SPTSSA: variants seen among roughly 807,000 people sequenced by gnomAD.
SPTSSA encodes small subunit of serine palmitoyltransferase A.
SPTSSA carries 8 observed loss-of-function variants against 9.1 expected under a neutral mutation model. That is an observed-to-expected ratio of 0.88 (90% CI 0.51 to 1.58). The LOEUF (loss-of-function observed/expected upper bound fraction) is 1.58, where lower values mean the gene tolerates loss of function less well. SPTSSA is among the 40% of genes most tolerant of loss of function. SPTSSA has a pLI of 0.00. For missense variants in SPTSSA, 100 were observed against 93.8 expected (o/e 1.07, Z -0.27); for synonymous variants, 42 against 37.7 (o/e 1.11, Z -0.41).
At chr14:34,437,187 G>C (rs1883254267) in intron 1 of SPTSSA, among the ~76,000 whole-genome samples, 1 of 152,164 alleles carries the variant, frequency 6.6e-6, no homozygotes. Context: ...TGAGCCGGAA[G>C]GGCACCACTG....
chr14:34,461,732 T>A (rs1483072729), intron 1 of SPTSSA, among the ~76,000 whole-genome samples: 1 of 152,232 alleles, frequency 6.6e-6, no homozygotes, highest in Non-Finnish European at 1.5e-5. Flanking sequence ...CACTGTTACA[T>A]GATCCCCGCC....
At chr14:34,460,471 C>T (rs570870195) in intron 1 of SPTSSA, among the ~76,000 whole-genome samples, 1 of 152,256 alleles carries the variant, frequency 6.6e-6, no homozygotes, top group East Asian at 1.9e-4. Context: ...CCAAAAAAGG[C>T]ATCACCTAGT....
intron 1 of SPTSSA, among the ~76,000 whole-genome samples, chr14:34,457,969 C>A (rs1358686844): frequency 4.0e-5 from 4 of 100,984 alleles, no homozygotes; most frequent in African/African-American, 1.8e-4. Context: ...AAGACTGTCT[C>A]GGAAAAAAAA....
chr14:34,443,134 GGT>G (rs376742613), intron 1 of SPTSSA, among the ~76,000 whole-genome samples: 937 of 36,908 alleles, frequency 0.025, 38 homozygotes, highest in Non-Finnish European at 0.029. Context: ...TGCTTCTAGG[GGT>G]GTGTGTGTGT....
chr14:34,456,948 A>AATTATTATTATTATTATT lies in SPTSSA; in HGVS notation c.112+5130_112+5147dup, dbSNP rs201859323. 8.2e-3 allele frequency among the ~76,000 whole-genome samples: 1,200 copies of AATTATTATTATTATTATT among 146,172 alleles called. 24 individuals carry two copies. Among genetic ancestry groups the AATTATTATTATTATTATT allele is most frequent in the African/African-American group, 0.029 (1,146 of 39,864 alleles). Reference sequence around the variant, plus strand: ...ATTAAAATAGCACACTTCTGATTCAAATTATTATTATTATTATTATTATTA... The same window carrying AATTATTATTATTATTATT: ...ATTAAAATAGCACACTTCTGATTCAAATTATTATTATTATTATTATTATTATTATTATTATTATTATTA... On this transcript the variant is annotated intron_variant, in intron 1 of 1. Coordinates refer to ENST00000298130, the MANE Select transcript of SPTSSA (RefSeq NM_138288.4).
chr14:34,442,698 T>G (rs765615960), intron 1 of SPTSSA, among the ~76,000 whole-genome samples: 1 of 152,204 alleles, frequency 6.6e-6, no homozygotes, highest in Non-Finnish European at 1.5e-5. Flanking sequence ...GTGCTGCAGT[T>G]CTAAGCAGAG....
chr14:34,450,607 C>CA (rs200111317), intron 1 of SPTSSA, among the ~76,000 whole-genome samples: 34,854 of 152,036 alleles, frequency 0.23, 5,607 homozygotes, highest in African/African-American at 0.46. Context: ...CAATAGAGAA[C>CA]AAGAATAGAA....
chr14:34,459,484 G>GAAAAA (rs57805348), intron 1 of SPTSSA, among the ~76,000 whole-genome samples: 1 of 147,732 alleles, frequency 6.8e-6, no homozygotes, highest in Non-Finnish European at 1.5e-5. Context: ...AAAAGAAAAA[G>GAAAAA]AAGAAAATTA....
rs1245843742 is a variant in SPTSSA, at chr14:34,433,858, G to A, written c.*1343C>T. On this transcript the variant is annotated 3_prime_UTR_variant, in exon 2 of 2. Transcript: ENST00000298130. Reference sequence around the variant, plus strand: ...GGTGCCTGTAATCCCAGCTATTCAGGAGGCTGAGGCAGGAGAATCACTTGA... The same window carrying A: ...GGTGCCTGTAATCCCAGCTATTCAGAAGGCTGAGGCAGGAGAATCACTTGA... The A allele has an allele frequency of 6.6e-6, 1 of 151,576 alleles. No individual in the cohort carries two copies. The highest frequency in any genetic ancestry group is 6.6e-5 in the Admixed American group (1 of 15,204). The allele number at this position is 151,576 out of a possible 1,614,324, so 9.4% of individuals were successfully genotyped here.
At chr14:34,458,382 C>T (rs1878533818) in intron 1 of SPTSSA, among the ~76,000 whole-genome samples, 2 of 152,096 alleles carry the variant, frequency 1.3e-5, no homozygotes. Flanking sequence ...CTGAGTTTCA[C>T]CATGTTTTCT....
At chr14:34,456,591 T>C (rs1392515970) in intron 1 of SPTSSA, among the ~76,000 whole-genome samples, 1 of 151,738 alleles carries the variant, frequency 6.6e-6, no homozygotes, top group African/African-American at 2.4e-5. Context: ...TATGACTTTA[T>C]TTTTTAATGA....
intron 1 of SPTSSA, among the ~76,000 whole-genome samples, chr14:34,461,328 A>G (rs1878610720): frequency 6.6e-6 from 1 of 152,202 alleles, no homozygotes; most frequent in Non-Finnish European, 1.5e-5. Flanking sequence ...TGAAGTTCTC[A>G]AAGTTAGATG....
intron 1 of SPTSSA, among the ~76,000 whole-genome samples, chr14:34,461,625 A>C (rs564750074): frequency 1.2e-3 from 176 of 152,348 alleles, no homozygotes; most frequent in Non-Finnish European, 2.2e-3. Context: ...CCTGGCTTAA[A>C]AGCTAGTTAA....
At chr14:34,459,400 A>G (rs1352817873) in intron 1 of SPTSSA, among the ~76,000 whole-genome samples, 1 of 148,572 alleles carries the variant, frequency 6.7e-6, no homozygotes. Flanking sequence ...GCAAAGTTGC[A>G]GTGAGCCAAG....
chr14:34,453,910 T>C (rs1263660722), intron 1 of SPTSSA, among the ~76,000 whole-genome samples: 5 of 150,032 alleles, frequency 3.3e-5, no homozygotes, highest in Non-Finnish European at 5.9e-5. Context: ...CCAGGTCCGA[T>C]GGTTCACACC....
chr14:34,445,097 A>AC (rs1175974454), intron 1 of SPTSSA, among the ~76,000 whole-genome samples: 1 of 151,910 alleles, frequency 6.6e-6, no homozygotes, highest in East Asian at 1.9e-4. Context: ...CTAAAAAAAA[A>AC]ATTTTAAAAA....
At position 34,459,666 on chromosome 14, in the gene SPTSSA, G is replaced by C. The variant is rs111344978; in HGVS notation, c.112+2430C>G. ...CGTGGTGGCAGGCACCTGTAATCCC[G>C]GCTATTCTGGAGGCTGAGGCAGGAG... is the stretch of plus-strand genomic sequence containing the variant. On this transcript the variant is annotated intron_variant, in intron 1 of 1. Coordinates refer to ENST00000298130, the MANE Select transcript of SPTSSA (RefSeq NM_138288.4). 1.5e-3 allele frequency among the ~76,000 whole-genome samples: 231 copies of C among 151,568 alleles called. 2 individuals are homozygous for C. Among genetic ancestry groups the C allele is most frequent in the African/African-American group, 4.9e-3 (204 of 41,294 alleles).
At chr14:34,440,156 G>C (rs1883295073) in intron 1 of SPTSSA, among the ~76,000 whole-genome samples, 2 of 152,056 alleles carry the variant, frequency 1.3e-5, no homozygotes, top group South Asian at 4.1e-4. Context: ...TATTATTTTT[G>C]TATCTCCAGC....
intron 1 of SPTSSA, among the ~76,000 whole-genome samples, chr14:34,459,008 G>A (rs535340725): frequency 6.0e-5 from 9 of 150,116 alleles, no homozygotes; most frequent in South Asian, 2.1e-4. Context: ...GGGTTCAAGC[G>A]ATTCTCCTGC....
Sources: gnomAD v4.1 joint callset for allele counts (sites outside exome capture counted in the v4.1 genomes callset) on GRCh38, gnomAD v4.1.1 for gene constraint, MANE v1.5 for transcripts, NCBI Gene and HGNC (gene_info 2026-07-23, HGNC 2026-07-21) for gene names.